Variants in SLC8A1 observed in about 807,000 individuals in gnomAD.
SLC8A1 encodes the protein sodium/calcium exchanger 1.
SLC8A1 carries 18 observed loss-of-function variants against 68.3 expected under a neutral mutation model. The ratio of observed to expected loss-of-function variants is 0.26; its 90% CI spans 0.18 to 0.39. The LOEUF (loss-of-function observed/expected upper bound fraction) is 0.39. Ranked by LOEUF, SLC8A1 falls within the 10% of genes least tolerant of loss-of-function variation. The pLI, the probability that SLC8A1 is intolerant of heterozygous loss-of-function variation, is 1.00. For synonymous variants in SLC8A1, 475 were observed against 415.5 expected (o/e 1.14, Z -1.74); for missense variants, 985 against 1,156.7 (o/e 0.85, Z 2.15).
chr2:40,460,492 C>G (rs1198135588), intron 1 of SLC8A1, among the ~76,000 whole-genome samples: 1 of 151,954 alleles, frequency 6.6e-6, no homozygotes, highest in East Asian at 1.9e-4. Context: ...GAACTAAGTT[C>G]TGTGGTGATT....
chr2:40,455,646 G>C (rs944408706), upstream of SLC8A1, among the ~76,000 whole-genome samples: 2 of 152,200 alleles, frequency 1.3e-5, no homozygotes, highest in African/African-American at 4.8e-5. Flanking sequence ...TGGGTTCCCA[G>C]TTTTGTTCTT....
intron 7 of SLC8A1, among the ~76,000 whole-genome samples, chr2:40,135,326 CAG>C (rs1177900015): frequency 6.6e-6 from 1 of 152,112 alleles, no homozygotes; most frequent in East Asian, 1.9e-4. Context: ...GAGGCTACTG[CAG>C]AGATATGGGT....
At chr2:40,315,767 C>T (rs1174126272) in intron 2 of SLC8A1, among the ~76,000 whole-genome samples, 1 of 151,826 alleles carries the variant, frequency 6.6e-6, no homozygotes, top group Non-Finnish European at 1.5e-5. Context: ...GTAACATGTC[C>T]CAGAGATAGA....
chr2:40,317,675 C>A (rs373272202), intron 2 of SLC8A1, among the ~76,000 whole-genome samples: 3 of 151,960 alleles, frequency 2.0e-5, no homozygotes, highest in East Asian at 3.9e-4. Context: ...AAAAATGAAG[C>A]AAGCTCAATT....
intron 6 of SLC8A1, among the ~76,000 whole-genome samples, chr2:40,159,302 T>A (rs2045232051): frequency 2.0e-5 from 3 of 152,224 alleles, no homozygotes; most frequent in Non-Finnish European, 4.4e-5. Flanking sequence ...TTGCATTCGC[T>A]GTCATGTGCC....
At chr2:40,451,077 T>A (rs1702387489) in intron 1 of SLC8A1, among the ~76,000 whole-genome samples, 1 of 152,200 alleles carries the variant, frequency 6.6e-6, no homozygotes, top group South Asian at 2.1e-4. Context: ...TTTGGTTTCT[T>A]TGGCCGGCTG....
intron 2 of SLC8A1, among the ~76,000 whole-genome samples, chr2:40,276,858 T>C (rs910007058): frequency 6.6e-6 from 1 of 152,228 alleles, no homozygotes; most frequent in Non-Finnish European, 1.5e-5. Context: ...TTGTGGACGC[T>C]GACAAGGCCC....
At chr2:40,182,181 T>A (rs2049711505) in intron 2 of SLC8A1, among the ~76,000 whole-genome samples, 1 of 152,212 alleles carries the variant, frequency 6.6e-6, no homozygotes, top group Non-Finnish European at 1.5e-5. Context: ...ATAGACAGGT[T>A]AACAAAATCA....
intron 2 of SLC8A1, among the ~76,000 whole-genome samples, chr2:40,415,547 T>C (rs1693548340): frequency 6.6e-6 from 1 of 152,102 alleles, no homozygotes; most frequent in South Asian, 2.1e-4. Flanking sequence ...CCTATCTGTC[T>C]CCATTCCAGC....
At chr2:40,346,047 TAAAAAA>T (rs774555210) in intron 2 of SLC8A1, among the ~76,000 whole-genome samples, 1,364 of 41,668 alleles carry the variant, frequency 0.033, 13 homozygotes, top group South Asian at 0.1. Flanking sequence ...ACATTAACAG[TAAAAAA>T]AAAAAAAAAA....
At chr2:40,226,363 A>G (rs1034938366) in intron 2 of SLC8A1, among the ~76,000 whole-genome samples, 3 of 152,186 alleles carry the variant, frequency 2.0e-5, no homozygotes, top group Non-Finnish European at 4.4e-5. Flanking sequence ...GCAAACTTCC[A>G]TGACTTCTAG....
intron 2 of SLC8A1, among the ~76,000 whole-genome samples, chr2:40,198,144 T>C (rs1428006351): frequency 6.6e-6 from 1 of 152,004 alleles, no homozygotes; most frequent in African/African-American, 2.4e-5. Flanking sequence ...TATCTTATTT[T>C]TCTAAAATGA....
chr2:40,395,496 C>T (rs1207482327), intron 2 of SLC8A1, among the ~76,000 whole-genome samples: 2 of 152,072 alleles, frequency 1.3e-5, no homozygotes, highest in Non-Finnish European at 2.9e-5. Context: ...CGAAGGCTAC[C>T]CTGCTTGTGG....
chr2:40,324,472 C>G (rs2075586029), intron 2 of SLC8A1, among the ~76,000 whole-genome samples: 2 of 152,254 alleles, frequency 1.3e-5, no homozygotes, highest in South Asian at 4.1e-4. Flanking sequence ...CCATTTCTTT[C>G]CTAACTCAGA....
intron 2 of SLC8A1, among the ~76,000 whole-genome samples, chr2:40,317,360 A>G (rs75961610): frequency 0.018 from 2,704 of 152,194 alleles, 86 homozygotes; most frequent in African/African-American, 0.06. Flanking sequence ...TTTCTGAATT[A>G]GGGAAAATAG....
At chr2:40,389,367 T>C (rs1407123613) in intron 2 of SLC8A1, among the ~76,000 whole-genome samples, 3 of 152,132 alleles carry the variant, frequency 2.0e-5, no homozygotes, top group Non-Finnish European at 4.4e-5. Flanking sequence ...GGTGCCAGCC[T>C]TAAGCTATCA....
chr2:40,421,103 C>G (rs1695384825), intron 2 of SLC8A1, among the ~76,000 whole-genome samples: 1 of 151,946 alleles, frequency 6.6e-6, no homozygotes, highest in African/African-American at 2.4e-5. Context: ...AAATAATCAC[C>G]ACTACCGCCA....
intron 2 of SLC8A1, among the ~76,000 whole-genome samples, chr2:40,319,676 C>A (rs777376630): frequency 6.6e-6 from 1 of 152,062 alleles, no homozygotes; most frequent in East Asian, 1.9e-4. Context: ...GACAGTAACA[C>A]GAAGTCTTCA....
At chr2:40,237,937 C>A (rs1413475031) in intron 2 of SLC8A1, among the ~76,000 whole-genome samples, 1 of 86,464 alleles carries the variant, frequency 1.2e-5, no homozygotes, top group Non-Finnish European at 2.7e-5. Flanking sequence ...GGTCAGGGAC[C>A]CACTTGGGGA....
Sources: allele counts gnomAD v4.1 joint callset (sites outside exome capture counted in the v4.1 genomes callset), GRCh38; gene constraint gnomAD v4.1.1; transcripts MANE v1.5; gene names NCBI Gene and HGNC (gene_info 2026-07-23, HGNC 2026-07-21).